LCN15: variants seen among roughly 807,000 people sequenced by gnomAD.
The protein encoded by LCN15 is lipocalin 15, also known as lipocalin-15.
In LCN15, 26 loss-of-function variants were observed where a neutral mutation model predicts 23.1. The ratio of observed to expected loss-of-function variants is 1.13; its 90% confidence interval spans 0.82 to 1.56. The LOEUF (loss-of-function observed/expected upper bound fraction) is 1.56, where lower values mean the gene tolerates loss of function less well. Ranked by LOEUF, LCN15 falls within the 40% of genes most tolerant of loss-of-function variation. The pLI is 0.00. For synonymous variants in LCN15, 107 were observed against 98.3 expected, an observed-to-expected ratio of 1.09 and a Z score of -0.52; for missense variants, 241 against 239.5, an observed-to-expected ratio of 1.01 and a Z score of -0.04.
rs909659303 is a variant in LCN15, at chr9:136,761,146, T to TG, written c.*32+640dup. Reference sequence around the variant, plus strand: ...CAGGACAAGCGGCAGCCGTGGGAGCTGGGGGGGCGGTGTGGGAGGGAGTCT... The same window carrying TG: ...CAGGACAAGCGGCAGCCGTGGGAGCTGGGGGGGGCGGTGTGGGAGGGAGTCT... On this transcript the variant is annotated intron_variant, in intron 6 of 6. Transcript: ENST00000316144. This position sits in a 1 kb window ranked among gnomAD's most constrained non-coding sequence, Gnocchi z 4.2. Among the ~76,000 whole-genome samples the TG allele has an allele frequency of 5.3e-5, 8 of 150,244 alleles. No individual in the cohort carries two copies. Among genetic ancestry groups the TG allele is most frequent in the South Asian group, 2.1e-4 (1 of 4,688 alleles).
chr9:136,764,058 C>T, intron 1 of LCN15, 49 bp from the exon 2 acceptor site: 3 of 1,596,482 alleles, frequency 1.9e-6, no homozygotes, highest in South Asian at 2.2e-5. Context: ...GCAGCAGGGC[C>T]CTCCTTGCCC....
At chr9:136,762,039 G>A (rs1037154480) in intron 5 of LCN15, 149 bp downstream of exon 5, 2 of 719,700 alleles carry the variant, frequency 2.8e-6, no homozygotes, top group Non-Finnish European at 4.5e-6. Flanking sequence ...AGGTGGGGTA[G>A]GGGCTGCAGG....
At chr9:136,763,046 C>T (rs937183309) in intron 4 of LCN15, among the ~76,000 whole-genome samples, 2 of 151,632 alleles carry the variant, frequency 1.3e-5, no homozygotes, top group Non-Finnish European at 2.9e-5. Context: ...GGACCCTCCC[C>T]CAAGCCAACC....
At chr9:136,760,649 G>A (rs1847307148) in intron 6 of LCN15, among the ~76,000 whole-genome samples, 1 of 152,238 alleles carries the variant, frequency 6.6e-6, no homozygotes, top group African/African-American at 2.4e-5. Flanking sequence ...GTTTAGGGGG[G>A]GATCTCCGCA....
At chr9:136,764,283 G>T in intron 1 of LCN15, 110 bp downstream of exon 1, 1 of 1,116,462 alleles carries the variant, frequency 9.0e-7, no homozygotes, top group Non-Finnish European at 1.3e-6. Flanking sequence ...GCACGTGCCT[G>T]GCCGGGCACA....
At position 136,761,783 on chromosome 9, in the gene LCN15, CCACCTGGGA is replaced by C; in HGVS notation, c.*27_*32+3del. 1 of 1,265,830 alleles carries C rather than the reference CCACCTGGGA, an allele frequency of 7.9e-7. No homozygotes were observed. Among genetic ancestry groups the C allele is most frequent in the Non-Finnish European group, 1.0e-6 (1 of 1,004,592 alleles). The allele number at this position is 1,265,830 out of a possible 1,614,324, so 78.4% of individuals were successfully genotyped here. A position where few individuals can be genotyped will look rare whatever the true frequency, so the allele number is the denominator to read the frequency against. On this transcript the variant is annotated splice_donor_variant and splice_donor_region_variant and 3_prime_UTR_variant and intron_variant, in exon 6 of 7. Transcript: ENST00000316144. LOFTEE classifies it low-confidence loss of function (3UTR_SPLICE). The surrounding 1 kb of genome is among the most constrained non-coding windows in gnomAD (Gnocchi z 4.2). ...GCATCCCCTGCAGGGCCTGGAGAAC[CCACCTGGGA>C]AGGGCGGGGGTGGGGCTCCGGAGGT...
In LCN15 at chr9:136,762,225, C is replaced by T; in HGVS notation, c.483G>A (p.Gly161=). 6.2e-7 allele frequency: 1 copy of T among 1,600,108 alleles called. No individual in the cohort carries two copies. Among genetic ancestry groups the T allele is most frequent in the Non-Finnish European group, 8.5e-7 (1 of 1,174,110 alleles). ...KSFQDFYPTL[G]LPKDMMVMLP... ...GCATGACCATCATGTCCTTGGGGAG[C>T]CCCAGGGTCGGGTAGAAGTCCTGGA... Residue 161 remains glycine (G), a synonymous_variant, in exon 5 of 7, where the codon GGG becomes GGA. Transcript: ENST00000316144.
intron 4 of LCN15, among the ~76,000 whole-genome samples, chr9:136,762,594 C>A (rs892924773): frequency 3.3e-5 from 5 of 152,076 alleles, no homozygotes; most frequent in Non-Finnish European, 5.9e-5. Context: ...ATCGGGGAGT[C>A]CCCAGGAGTT....
At chr9:136,760,396 GTC>G (rs1455476384) in intron 6 of LCN15, among the ~76,000 whole-genome samples, 2 of 152,212 alleles carry the variant, frequency 1.3e-5, no homozygotes, top group Non-Finnish European at 2.9e-5. Context: ...CAGGGAGAGG[GTC>G]CTGGGAGTGG....
rs919930514 is a variant in LCN15 at position 136,761,011 on chromosome 9, G to A, written c.*32+776C>T. On this transcript the variant is annotated intron_variant, in intron 6 of 6. Transcript: ENST00000316144. The surrounding 1 kb of genome is among the most constrained non-coding windows in gnomAD (Gnocchi z 4.2). ...AAGAGGGCCGTGGGGCACTCGCTTC[G>A]GCAGCACAGACACTAGGGGGCAGTT... is the stretch of plus-strand genomic sequence containing the variant. Among the ~76,000 whole-genome samples the A allele has an allele frequency of 2.0e-5, 3 of 152,224 alleles. No individual in the cohort carries two copies. Among genetic ancestry groups the A allele is most frequent in the Admixed American group, 6.5e-5 (1 of 15,280 alleles).
At chr9:136,760,271 G>A (rs561710088) in intron 6 of LCN15, among the ~76,000 whole-genome samples, 10 of 152,332 alleles carry the variant, frequency 6.6e-5, no homozygotes, top group African/African-American at 2.2e-4. Flanking sequence ...GGACAAGGGC[G>A]ATTTGGTGTT....
chr9:136,762,249 GA>G lies in LCN15; in HGVS notation c.458del (p.Phe153SerfsTer14). The stretch of plus-strand genomic sequence containing the variant: ...GCCCCAGGGTCGGGTAGAAGTCCTG[GA>G]AGGACTTCAGAGCCTGGGGACTCAC... ...QDVSPQALKS[F>X]QDFYPTLGLP... On this transcript the variant is annotated frameshift_variant, in exon 5 of 7. Transcript: ENST00000316144. LOFTEE classifies it high-confidence loss of function. The G allele has an allele frequency of 6.2e-7, 1 of 1,600,108 alleles. No homozygotes were observed. Among genetic ancestry groups the G allele is most frequent in the South Asian group, 1.1e-5 (1 of 88,972 alleles).
rs778213597 is a variant in LCN15, at chr9:136,763,415, G to T, written c.360C>A (p.Ala120=). The T allele has an allele frequency of 2.5e-6, 4 of 1,609,806 alleles. 1 individual carries two copies. The highest frequency in any genetic ancestry group is 3.4e-6 in the Non-Finnish European group (4 of 1,178,552). Residue 120 remains alanine (A), a synonymous_variant, in exon 4 of 7, where the codon GCC becomes GCA. Coordinates refer to ENST00000316144, the MANE Select transcript of LCN15 (RefSeq NM_203347.2). ...CCAGCTCCTTGTAGATGTAAAGGAC[G>T]GCGAAGGAGCTGTAGTCTGTGTCCA... is the stretch of plus-strand genomic sequence containing the variant. ...RIVDTDYSSF[A]VLYIYKELEG...
In LCN15 at chr9:136,761,800, G is replaced by C. The variant is rs1847320243; in HGVS notation, c.*19C>G. Reference sequence around the variant, plus strand: ...TGGAGAACCCACCTGGGAAGGGCGGGGGTGGGGCTCCGGAGGTGTCAGGGC... The same window carrying C: ...TGGAGAACCCACCTGGGAAGGGCGGCGGTGGGGCTCCGGAGGTGTCAGGGC... On this transcript the variant is annotated 3_prime_UTR_variant, in exon 6 of 7. Transcript: ENST00000316144. This position sits in a 1 kb window ranked among gnomAD's most constrained non-coding sequence, Gnocchi z 4.2. The C allele has an allele frequency of 7.8e-7, 1 of 1,282,404 alleles. No individual in the cohort carries two copies. The highest frequency in any genetic ancestry group is 1.5e-5 in the African/African-American group (1 of 65,682). 79.4% of individuals were successfully genotyped at this position (1,282,404 alleles called of 1,614,324 possible).
intron 6 of LCN15, among the ~76,000 whole-genome samples, chr9:136,760,401 G>C (rs76666873): frequency 6.6e-6 from 1 of 152,300 alleles, no homozygotes; most frequent in African/African-American, 2.4e-5. Context: ...AGAGGGTCCT[G>C]GGAGTGGAGG....
chr9:136,759,847 C>T (rs1335115304), intron 6 of LCN15, 64 bp from the exon 7 acceptor site: 1 of 152,432 alleles, frequency 6.6e-6, no homozygotes, highest in Admixed American at 6.5e-5. Flanking sequence ...TCCTGCTCCC[C>T]ACAAGCTGGG....
rs765448301 is a variant in LCN15, at chr9:136,763,468, C to T, written c.308-1G>A. The T allele has an allele frequency of 6.3e-7, 1 of 1,597,054 alleles. No individual in the cohort carries two copies. Among genetic ancestry groups the T allele is most frequent in the Non-Finnish European group, 8.5e-7 (1 of 1,171,380 alleles). ...ATGCGCACGTCCAGGTAGCCCAAGG[C>T]TGCGGAGAGGCAGGCGGCCTTTTCA... On this transcript the variant is annotated splice_acceptor_variant, in intron 3 of 6. Coordinates refer to ENST00000316144, the MANE Select transcript of LCN15 (RefSeq NM_203347.2). LOFTEE classifies it high-confidence loss of function.
At chr9:136,764,345 C>T in intron 1 of LCN15, 48 bp downstream of exon 1, 1 of 1,534,506 alleles carries the variant, frequency 6.5e-7, no homozygotes, top group Admixed American at 1.8e-5. Context: ...TTGTCTCTGG[C>T]AGGGGCCCAG....
At position 136,761,424 on chromosome 9, in the gene LCN15, C is replaced by T. The variant is rs1163935334; in HGVS notation, c.*32+363G>A. On this transcript the variant is annotated intron_variant, in intron 6 of 6. Coordinates refer to ENST00000316144, the MANE Select transcript of LCN15 (RefSeq NM_203347.2). The surrounding 1 kb of genome is among the most constrained non-coding windows in gnomAD (Gnocchi z 4.2). ...TACAGGTGTGCACCACCACGCCCAG[C>T]TAAGTTTTGTATTTTTAGTAGAGAC... Among the ~76,000 whole-genome samples the T allele has an allele frequency of 6.6e-6, 1 of 152,110 alleles. No homozygotes were observed. The highest frequency in any genetic ancestry group is 2.4e-5 in the African/African-American group (1 of 41,416).
Sources: gnomAD v4.1 joint callset for allele counts (sites outside exome capture counted in the v4.1 genomes callset) on GRCh38, gnomAD v4.1.1 for gene constraint, Gnocchi (gnomAD v3.1) non-coding constraint, MANE v1.5 for transcripts, NCBI Gene and HGNC (gene_info 2026-07-23, HGNC 2026-07-21) for gene names.